RPS6KA2: variants seen among roughly 807,000 people sequenced by gnomAD.
The protein encoded by RPS6KA2 is ribosomal protein S6 kinase alpha-2.
Under a neutral mutation model 91.8 loss-of-function variants are expected in RPS6KA2, and 42 were observed. The observed-to-expected ratio is 0.46, with a 90% CI of 0.36 to 0.59. The LOEUF (loss-of-function observed/expected upper bound fraction) is 0.59. Among genes scored for constraint, RPS6KA2 ranks in the 20% least tolerant of loss-of-function variants. RPS6KA2 has a pLI of 0.00. For synonymous variants in RPS6KA2, 414 were observed against 393.6 expected (o/e 1.05, Z -0.61); for missense variants, 798 against 978.5 (o/e 0.82, Z 2.46).
intron 2 of RPS6KA2, among the ~76,000 whole-genome samples, chr6:166,820,927 G>C (rs1779891361): frequency 6.6e-6 from 1 of 152,084 alleles, no homozygotes; most frequent in Non-Finnish European, 1.5e-5. Flanking sequence ...ACTCCTCCTT[G>C]CCTAAGTTCG....
chr6:166,733,586 A>G lies in RPS6KA2; in HGVS notation c.123+124614T>C, dbSNP rs368305427. On this transcript the variant is annotated intron_variant, in intron 2 of 21. Coordinates refer to the RPS6KA2 transcript ENST00000503859. This position sits in a 1 kb window ranked among gnomAD's most constrained non-coding sequence, Gnocchi z 4.1. ...TCTGATAATCTTAATTTTATCTTGT[A>G]GCATGTATGTATGGAAGCCAGTGCC... Among the ~76,000 whole-genome samples, 43 of 152,214 alleles carry G rather than the reference A, an allele frequency of 2.8e-4. No individual in the cohort carries two copies. In the South Asian group the frequency reaches 8.5e-3, roughly 30 times the overall value.
Position 166,707,895 on chromosome 6 carries a change from C to T in RPS6KA2, c.123+150305G>A, listed in dbSNP as rs186127165. On this transcript the variant is annotated intron_variant, in intron 2 of 21. Transcript: ENST00000503859. Reference sequence around the variant, plus strand: ...AGTAGCTGGAACTACAGGTGTGCACCACCGTGCCCAGATAATTTTTGAATA... The same window carrying T: ...AGTAGCTGGAACTACAGGTGTGCACTACCGTGCCCAGATAATTTTTGAATA... 6.6e-3 allele frequency among the ~76,000 whole-genome samples: 998 copies of T among 152,204 alleles called. 24 individuals carry two copies. Among genetic ancestry groups the T allele is most frequent in the Admixed American group, 0.048 (736 of 15,268 alleles).
intron 2 of RPS6KA2, among the ~76,000 whole-genome samples, chr6:166,789,843 C>T (rs927159405): frequency 6.6e-6 from 1 of 152,152 alleles, no homozygotes; most frequent in Non-Finnish European, 1.5e-5. Flanking sequence ...AAAGGACATC[C>T]ACACCAAAAA....
intron 2 of RPS6KA2, among the ~76,000 whole-genome samples, chr6:166,673,379 T>G (rs572431164): frequency 2.7e-4 from 41 of 152,204 alleles, no homozygotes; most frequent in Admixed American, 1.4e-3. Context: ...CATAAGGGGG[T>G]GCCCAGGACC....
intron 2 of RPS6KA2, among the ~76,000 whole-genome samples, chr6:166,792,871 A>G (rs1165247023): frequency 1.3e-5 from 2 of 151,928 alleles, no homozygotes; most frequent in African/African-American, 4.9e-5. Flanking sequence ...AATAAAAGCT[A>G]TTTGTGACAC....
rs1190172421 is a variant in RPS6KA2 at position 166,419,002 on chromosome 6, T to C, written c.1821-660A>G. On this transcript the variant is annotated intron_variant, in intron 18 of 20. Transcript: ENST00000265678. This position sits in a 1 kb window ranked among gnomAD's most constrained non-coding sequence, Gnocchi z 5.6. Reference sequence around the variant, plus strand: ...GTCACAAAGTAACCTGACTGTGGTATTGGTAAGAAACTGAGGTTCCTTCCT... The same window carrying C: ...GTCACAAAGTAACCTGACTGTGGTACTGGTAAGAAACTGAGGTTCCTTCCT... 2.0e-5 allele frequency among the ~76,000 whole-genome samples: 3 copies of C among 152,208 alleles called. No homozygotes were observed. Among genetic ancestry groups the C allele is most frequent in the African/African-American group, 7.2e-5 (3 of 41,460 alleles).
At chr6:166,721,213 A>G (rs556930833) in intron 2 of RPS6KA2, among the ~76,000 whole-genome samples, 15 of 152,366 alleles carry the variant, frequency 9.8e-5, no homozygotes, top group African/African-American at 3.6e-4. Context: ...AACACAGGAA[A>G]GGTGGAAAGG....
At chr6:166,444,982 A>C (rs1012998348) in intron 14 of RPS6KA2, among the ~76,000 whole-genome samples, 3 of 152,354 alleles carry the variant, frequency 2.0e-5, no homozygotes, top group East Asian at 3.9e-4. Flanking sequence ...TACTCAGGTA[A>C]ACTGGTTTCA....
intron 2 of RPS6KA2, chr6:166,757,595 C>T (rs1333206655): frequency 2.2e-6 from 1 of 456,296 alleles, no homozygotes; most frequent in South Asian, 1.5e-5. Flanking sequence ...TCCCCAGGTC[C>T]CGGGGGCCGG....
chr6:166,452,264 T>C (rs543523041), intron 12 of RPS6KA2, among the ~76,000 whole-genome samples: 2 of 152,200 alleles, frequency 1.3e-5, no homozygotes, highest in South Asian at 4.2e-4. Context: ...AATTAAAAAT[T>C]TTGAAAGTAA....
chr6:166,630,906 T>A (rs1787053928), upstream of RPS6KA2, among the ~76,000 whole-genome samples: 1 of 152,232 alleles, frequency 6.6e-6, no homozygotes, highest in South Asian at 2.1e-4. Context: ...GAAGGTAAAC[T>A]GTAGTGGACA....
intron 2 of RPS6KA2, among the ~76,000 whole-genome samples, chr6:166,650,811 C>G (rs557897652): frequency 5.9e-5 from 9 of 152,192 alleles, no homozygotes; most frequent in Non-Finnish European, 1.2e-4. Context: ...AAGAAAGGCT[C>G]TTCTTGGAAC....
intron 10 of RPS6KA2, among the ~76,000 whole-genome samples, chr6:166,482,969 C>T (rs746765391): frequency 6.6e-6 from 1 of 152,196 alleles, no homozygotes; most frequent in Non-Finnish European, 1.5e-5. Flanking sequence ...CAAAGGTGGC[C>T]GTGCAGCCTT....
intron 1 of RPS6KA2, among the ~76,000 whole-genome samples, chr6:166,576,565 C>G (rs1381663810): frequency 6.6e-6 from 1 of 152,158 alleles, no homozygotes; most frequent in East Asian, 1.9e-4. Flanking sequence ...CATTTTGCCC[C>G]TGCCCTAGAG....
rs537486919 is a variant in RPS6KA2 at position 166,494,146 on chromosome 6, G to A, written c.748-3405C>T. On this transcript the variant is annotated intron_variant, in intron 8 of 20. Transcript: ENST00000265678. The surrounding 1 kb of genome is among the most constrained non-coding windows in gnomAD (Gnocchi z 5.1). ...AGATGGATGACTTGAAGTGGTAGAGGGCCTGGCTTTGCAGGGTATGGAGGG... is the reference window on the plus strand; with the variant it reads ...AGATGGATGACTTGAAGTGGTAGAGAGCCTGGCTTTGCAGGGTATGGAGGG... Among the ~76,000 whole-genome samples the A allele has an allele frequency of 6.6e-6, 1 of 152,300 alleles. No individual in the cohort carries two copies. Among genetic ancestry groups the A allele is most frequent in the East Asian group, 1.9e-4 (1 of 5,184 alleles).
intron 1 of RPS6KA2, among the ~76,000 whole-genome samples, chr6:166,572,338 C>T (rs574497519): frequency 3.9e-5 from 6 of 152,288 alleles, no homozygotes; most frequent in South Asian, 4.1e-4. Context: ...TAAACATGAA[C>T]GATTACTAAT....
intron 11 of RPS6KA2, among the ~76,000 whole-genome samples, chr6:166,465,756 G>A (rs1380465185): frequency 7.9e-5 from 12 of 152,184 alleles, no homozygotes; most frequent in Non-Finnish European, 1.5e-4. Context: ...GGATGATGGC[G>A]TTATGGGACA....
chr6:166,815,934 G>C (rs1779749304), intron 2 of RPS6KA2, among the ~76,000 whole-genome samples: 1 of 152,182 alleles, frequency 6.6e-6, no homozygotes, highest in South Asian at 2.1e-4. Flanking sequence ...ATAAAGAGTA[G>C]TAGCTGTGCT....
intron 1 of RPS6KA2, among the ~76,000 whole-genome samples, chr6:166,559,565 G>A (rs1362244010): frequency 6.6e-6 from 1 of 152,162 alleles, no homozygotes; most frequent in Non-Finnish European, 1.5e-5. Context: ...GACATCCCCA[G>A]TGGACTGGTG....
Sources: allele counts gnomAD v4.1 joint callset (sites outside exome capture counted in the v4.1 genomes callset), GRCh38; gene constraint gnomAD v4.1.1; non-coding constraint Gnocchi (gnomAD v3.1); transcripts MANE v1.5; gene names NCBI Gene and HGNC (gene_info 2026-07-23, HGNC 2026-07-21).